The following SRP68 variants were observed in gnomAD, a reference collection of about 807,000 sequenced individuals.
SRP68 encodes signal recognition particle subunit SRP68.
SRP68 carries 15 observed loss-of-function variants against 82.2 expected under a neutral mutation model. The observed-to-expected ratio is 0.18, with a 90% CI of 0.12 to 0.28. The LOEUF is 0.28. Ranked by LOEUF, SRP68 falls within the 10% of genes least tolerant of loss-of-function variation. The pLI is 1.00. For missense variants in SRP68, 595 were observed against 780.5 expected, an observed-to-expected ratio of 0.76 and a Z score of 2.83; for synonymous variants, 261 against 292.6, an observed-to-expected ratio of 0.89 and a Z score of 1.10.
chr17:76,040,038 T>TC (rs2066577405), intron 15 of SRP68, 105 bp from the exon 16 acceptor site: 1 of 1,023,722 alleles, frequency 9.8e-7, no homozygotes, highest in Admixed American at 2.2e-5. Flanking sequence ...AGGGGCCATC[T>TC]CACTCAATCA....
intron 4 of SRP68, among the ~76,000 whole-genome samples, chr17:76,063,039 G>A (rs1416582760): frequency 6.6e-6 from 1 of 151,196 alleles, no homozygotes; most frequent in Non-Finnish European, 1.5e-5. Context: ...CAAAGTGCTG[G>A]GATTACAGGC....
chr17:76,059,244 A>G (rs1043221186), intron 7 of SRP68, among the ~76,000 whole-genome samples: 1 of 152,142 alleles, frequency 6.6e-6, no homozygotes, highest in Non-Finnish European at 1.5e-5. Context: ...GACGCTGTTC[A>G]AAAAAATAAT....
chr17:76,065,524 T>C (rs2066800096), intron 3 of SRP68, among the ~76,000 whole-genome samples: 1 of 151,334 alleles, frequency 6.6e-6, no homozygotes, highest in Admixed American at 6.6e-5. Flanking sequence ...TGCTGCATCC[T>C]ATTATGGTCT....
intron 11 of SRP68, among the ~76,000 whole-genome samples, chr17:76,045,597 A>G (rs1441228598): frequency 1.3e-5 from 2 of 152,006 alleles, no homozygotes; most frequent in Non-Finnish European, 2.9e-5. Flanking sequence ...GCCCTTTACA[A>G]CTCAACTCAG....
intron 6 of SRP68, 35 bp downstream of exon 6, chr17:76,061,075 C>A: frequency 7.6e-7 from 1 of 1,313,590 alleles, no homozygotes; most frequent in South Asian, 1.2e-5. Context: ...TATCAATGTT[C>A]AAGTTGAGTA....
intron 3 of SRP68, 103 bp downstream of exon 3, chr17:76,067,114 C>A (rs1199133605): frequency 1.1e-6 from 1 of 875,750 alleles, no homozygotes; most frequent in Non-Finnish European, 1.9e-6. Context: ...CAATGCCCAG[C>A]CCACAGAGAT....
chr17:76,055,102 G>A (rs553567921), intron 8 of SRP68, among the ~76,000 whole-genome samples: 13 of 151,480 alleles, frequency 8.6e-5, no homozygotes, highest in Non-Finnish European at 1.6e-4. Flanking sequence ...GATTACAGAC[G>A]TCTACCACCA....
Position 76,062,698 on chromosome 17 carries a change from ATTG to A in SRP68, c.562-1127_562-1125del, listed in dbSNP as rs2066770564. On this transcript the variant is annotated intron_variant, in intron 4 of 15. Coordinates refer to ENST00000307877, the MANE Select transcript of SRP68 (RefSeq NM_014230.4). The stretch of plus-strand genomic sequence containing the variant: ...ATATAATATATAATATACATTATAT[ATTG>A]TATATTATACAATATATTATATTTA... 5.4e-5 allele frequency among the ~76,000 whole-genome samples: 4 copies of A among 73,828 alleles called. 1 individual carries two copies. Among genetic ancestry groups the A allele is most frequent in the African/African-American group, 2.6e-4 (3 of 11,660 alleles). 48.4% of individuals were successfully genotyped at this position (73,828 alleles called of 152,430 possible).
At position 76,040,996 on chromosome 17, in the gene SRP68, C is replaced by A; in HGVS notation, c.1525-18G>T. ...GGCAGGTCCTGTAAGATTCAGAAAA[C>A]GTGTACTCCCGAGCCAGGGCCAGGT... On this transcript the variant is annotated intron_variant, in intron 13 of 15. Coordinates refer to ENST00000307877, the MANE Select transcript of SRP68 (RefSeq NM_014230.4). The A allele has an allele frequency of 1.2e-6, 2 of 1,610,532 alleles. No individual in the cohort carries two copies. The highest frequency in any genetic ancestry group is 1.7e-6 in the Non-Finnish European group (2 of 1,177,368).
chr17:76,058,500 C>T (rs912534310), intron 7 of SRP68, among the ~76,000 whole-genome samples: 1 of 152,140 alleles, frequency 6.6e-6, no homozygotes, highest in Non-Finnish European at 1.5e-5. Flanking sequence ...CTCGAGTTAT[C>T]CTTTCACCTC....
chr17:76,060,440 A>C (rs1325019802), intron 6 of SRP68, 50 bp from the exon 7 acceptor site: 3 of 1,369,208 alleles, frequency 2.2e-6, no homozygotes, highest in South Asian at 2.4e-5. Context: ...TGTTTTCTTG[A>C]GAATCACTAG....
chr17:76,055,900 C>G (rs1036293979), intron 8 of SRP68, among the ~76,000 whole-genome samples: 1 of 149,648 alleles, frequency 6.7e-6, no homozygotes, highest in Non-Finnish European at 1.5e-5. Flanking sequence ...CTCAAGCTCC[C>G]GGGCTCAAGT....
chr17:76,045,514 A>C, intron 11 of SRP68, 128 bp from the exon 12 acceptor site: 1 of 656,632 alleles, frequency 1.5e-6, no homozygotes, highest in Non-Finnish European at 2.6e-6. Context: ...GATGGGGAAA[A>C]GCCTGTGAAG....
chr17:76,059,789 CAAAAA>C (rs35942880), intron 7 of SRP68, among the ~76,000 whole-genome samples: 1 of 87,938 alleles, frequency 1.1e-5, no homozygotes, highest in Non-Finnish European at 2.3e-5. Context: ...AAGACTGTCT[CAAAAA>C]AAAAAAAAAA....
At position 76,072,197 on chromosome 17, in the gene SRP68, A is replaced by C; in HGVS notation, c.184+111T>G. 1.3e-6 allele frequency: 2 copies of C among 1,564,614 alleles called. No individual in the cohort carries two copies. Among genetic ancestry groups the C allele is most frequent in the Non-Finnish European group, 1.7e-6 (2 of 1,165,732 alleles). ...AAAAGGTAAGGGCGAGAGAAACTGC[A>C]ACCCTCGGCCTCTCCTGCCAGGACT... On this transcript the variant is annotated intron_variant, in intron 1 of 15. Coordinates refer to ENST00000307877, the MANE Select transcript of SRP68 (RefSeq NM_014230.4). The surrounding 1 kb of genome is among the most constrained non-coding windows in gnomAD (Gnocchi z 4.5).
At chr17:76,046,683 T>C (rs1421840219) in intron 10 of SRP68, among the ~76,000 whole-genome samples, 1 of 152,044 alleles carries the variant, frequency 6.6e-6, no homozygotes, top group Non-Finnish European at 1.5e-5. Flanking sequence ...GGCTCCCATC[T>C]GTAATCCCAG....
Position 76,039,549 on chromosome 17 carries a change from G to A in SRP68, c.*157C>T, listed in dbSNP as rs578031125. ...CTCTCCTGACACGCTGCTTAAGAAC[G>A]TGTACAGACACAAGATGTAGGAATG... On this transcript the variant is annotated 3_prime_UTR_variant, in exon 16 of 16. Transcript: ENST00000307877. 1.4e-4 allele frequency: 102 copies of A among 727,750 alleles called. No homozygotes were observed. The highest frequency in any genetic ancestry group is 1.2e-3 in the East Asian group (43 of 36,984). The allele number at this position is 727,750 out of a possible 1,614,324, so 45.1% of individuals were successfully genotyped here.
intron 3 of SRP68, among the ~76,000 whole-genome samples, chr17:76,066,762 T>C (rs898434839): frequency 1.3e-5 from 2 of 151,652 alleles, no homozygotes; most frequent in South Asian, 4.2e-4. Flanking sequence ...AGTGTCACTC[T>C]TGTTGCCCAG....
intron 8 of SRP68, among the ~76,000 whole-genome samples, 170 bp from the exon 9 acceptor site, chr17:76,050,696 A>G (rs2066665893): frequency 2.3e-5 from 2 of 87,458 alleles, no homozygotes; most frequent in African/African-American, 4.3e-5. Context: ...ATGGTTTCTC[A>G]TAGCCTTAGT....
Sources: gnomAD v4.1 joint callset for allele counts (sites outside exome capture counted in the v4.1 genomes callset) on GRCh38, gnomAD v4.1.1 for gene constraint, Gnocchi (gnomAD v3.1) non-coding constraint, MANE v1.5 for transcripts, NCBI Gene and HGNC (gene_info 2026-07-23, HGNC 2026-07-21) for gene names.